ABL1: variants seen among roughly 807,000 people sequenced by gnomAD.
ABL1 encodes tyrosine-protein kinase ABL1.
ABL1 carries 11 observed loss-of-function variants against 94.7 expected under a neutral mutation model. That is an observed-to-expected ratio of 0.12 (90% CI 0.07 to 0.19). ABL1 has a LOEUF of 0.19. Ranked by LOEUF, ABL1 falls within the 10% of genes least tolerant of loss-of-function variation. The pLI is 1.00. For synonymous variants in ABL1, 656 were observed against 622.4 expected (o/e 1.05, Z -0.80); for missense variants, 1,082 against 1,489.4 (o/e 0.73, Z 4.50).
intron 6 of ABL1, among the ~76,000 whole-genome samples, chr9:130,873,578 A>C (rs746628268): frequency 6.6e-6 from 1 of 152,072 alleles, no homozygotes; most frequent in Non-Finnish European, 1.5e-5. Context: ...TGATTCAGGG[A>C]TGTTTCCACA....
intron 1 of ABL1, among the ~76,000 whole-genome samples, chr9:130,851,677 A>G (rs934643594): frequency 6.6e-6 from 1 of 152,068 alleles, no homozygotes; most frequent in African/African-American, 2.4e-5. Context: ...TAGAGAAGGA[A>G]AACTAAAACA....
chr9:130,725,283 C>T (rs894955474), intron 1 of ABL1, among the ~76,000 whole-genome samples: 44 of 152,140 alleles, frequency 2.9e-4, no homozygotes, highest in South Asian at 6.2e-4. Context: ...TATGCTTTTT[C>T]TCTCTATGAA....
chr9:130,843,067 CTG>C (rs1232612243), intron 1 of ABL1, among the ~76,000 whole-genome samples: 7 of 152,300 alleles, frequency 4.6e-5, no homozygotes, highest in East Asian at 3.9e-4. Context: ...ACTTTACTAT[CTG>C]TCATTATTGC....
intron 4 of ABL1, among the ~76,000 whole-genome samples, chr9:130,865,373 G>T (rs942234635): frequency 6.6e-6 from 1 of 152,154 alleles, no homozygotes; most frequent in South Asian, 2.1e-4. Context: ...CCTCCTGGCC[G>T]TGCGCAGAAA....
At chr9:130,744,107 CT>C (rs1162084255) in intron 1 of ABL1, among the ~76,000 whole-genome samples, 10 of 151,672 alleles carry the variant, frequency 6.6e-5, no homozygotes, top group Non-Finnish European at 1.5e-4. Flanking sequence ...TGCTACCCAG[CT>C]TTTACATCAA....
chr9:130,789,568 G>T (rs1411822892), intron 1 of ABL1, among the ~76,000 whole-genome samples: 1 of 151,920 alleles, frequency 6.6e-6, no homozygotes, highest in African/African-American at 2.4e-5. Context: ...GATATCATGC[G>T]CAAGAGTCAG....
chr9:130,877,994 T>G (rs553887276), intron 7 of ABL1, among the ~76,000 whole-genome samples: 55 of 151,974 alleles, frequency 3.6e-4, no homozygotes, highest in Non-Finnish European at 6.5e-4. Context: ...TTTGTATTTT[T>G]AGTAGAGACA....
At chr9:130,790,302 C>A (rs1829888969) in intron 1 of ABL1, among the ~76,000 whole-genome samples, 1 of 152,046 alleles carries the variant, frequency 6.6e-6, no homozygotes, top group African/African-American at 2.4e-5. Flanking sequence ...TTTTGTCTTT[C>A]TTCCCGCAGC....
chr9:130,825,223 C>G (rs995600849), intron 1 of ABL1, among the ~76,000 whole-genome samples: 1 of 152,142 alleles, frequency 6.6e-6, no homozygotes, highest in Non-Finnish European at 1.5e-5. Flanking sequence ...CTCCTAATCC[C>G]TGCTGGGTTT....
chr9:130,833,734 T>C (rs1243495618), upstream of ABL1, among the ~76,000 whole-genome samples: 1 of 152,224 alleles, frequency 6.6e-6, no homozygotes, highest in African/African-American at 2.4e-5. Context: ...CGAGAACCCC[T>C]GTGATATACA....
chr9:130,744,297 C>T (rs1439561881), intron 1 of ABL1, among the ~76,000 whole-genome samples: 1 of 151,764 alleles, frequency 6.6e-6, no homozygotes, highest in South Asian at 2.1e-4. Context: ...CGCATGCCAC[C>T]ATGCCCAGCT....
In ABL1 at chr9:130,886,017, A is replaced by G. The variant is rs1831576516; in HGVS notation, c.*334A>G. The G allele has an allele frequency of 1.8e-5, 6 of 328,704 alleles. No individual in the cohort carries two copies. In the Admixed American group the frequency reaches 2.7e-4, roughly 15 times the overall value. 20.4% of individuals were successfully genotyped at this position (328,704 alleles called of 1,614,324 possible). A position where few individuals can be genotyped will look rare whatever the true frequency, so the allele number is the denominator to read the frequency against. ...ACTGAGCTCTCCAGGCCAGGTGGGA[A>G]CGGCTGATGTGGACTGTCTTTTTCA... On this transcript the variant is annotated 3_prime_UTR_variant, in exon 11 of 11. Transcript: ENST00000318560.
chr9:130,852,421 T>G (rs891954270), intron 1 of ABL1, among the ~76,000 whole-genome samples: 1 of 152,082 alleles, frequency 6.6e-6, no homozygotes, highest in Admixed American at 6.6e-5. Flanking sequence ...CAGGTTGGTT[T>G]TGAACTCCTG....
rs1202696590 is a variant in ABL1 at position 130,886,572 on chromosome 9, TG to T, written c.*891del. 4.3e-6 allele frequency: 1 copy of T among 233,392 alleles called. No individual in the cohort carries two copies. Among genetic ancestry groups the T allele is most frequent in the East Asian group, 6.0e-5 (1 of 16,592 alleles). 14.5% of individuals were successfully genotyped at this position (233,392 alleles called of 1,614,324 possible). The stretch of plus-strand genomic sequence containing the variant: ...GGCAGTGGCTAGTGGGGTGAACAGC[TG>T]GTGCCAAATAGCCCCAGACTGGGCC... On this transcript the variant is annotated 3_prime_UTR_variant, in exon 11 of 11. Transcript: ENST00000318560.
At chr9:130,762,513 G>T (rs1365997994) in intron 1 of ABL1, among the ~76,000 whole-genome samples, 1 of 152,122 alleles carries the variant, frequency 6.6e-6, no homozygotes, top group Non-Finnish European at 1.5e-5. Context: ...CTTTACAGGG[G>T]TGTCTGATCG....
chr9:130,756,179 G>C (rs899200300), intron 1 of ABL1, among the ~76,000 whole-genome samples: 1 of 152,154 alleles, frequency 6.6e-6, no homozygotes, highest in African/African-American at 2.4e-5. Flanking sequence ...TACTGATTTA[G>C]AAAGGCAGTT....
intron 1 of ABL1, among the ~76,000 whole-genome samples, chr9:130,848,108 G>C (rs1184673840): frequency 6.6e-6 from 1 of 152,146 alleles, no homozygotes; most frequent in African/African-American, 2.4e-5. Flanking sequence ...TCATGGCCAC[G>C]AGGTTGACGC....
At chr9:130,736,599 C>G (rs1014269206) in intron 1 of ABL1, among the ~76,000 whole-genome samples, 5 of 151,998 alleles carry the variant, frequency 3.3e-5, no homozygotes, top group Admixed American at 3.3e-4. Flanking sequence ...TCAAGCAATT[C>G]TTCTGCCTCA....
At chr9:130,859,789 T>C (rs946949280) in intron 3 of ABL1, among the ~76,000 whole-genome samples, 2 of 142,144 alleles carry the variant, frequency 1.4e-5, no homozygotes, top group Non-Finnish European at 3.0e-5. Context: ...CGAGCGATTC[T>C]CCTGCATCAG....
Sources: allele counts gnomAD v4.1 joint callset (sites outside exome capture counted in the v4.1 genomes callset), GRCh38; gene constraint gnomAD v4.1.1; transcripts MANE v1.5; gene names NCBI Gene and HGNC (gene_info 2026-07-23, HGNC 2026-07-21).